Variants in DAB1 observed in about 807,000 individuals in gnomAD.
The protein encoded by DAB1 is disabled homolog 1.
Under a neutral mutation model 64.6 loss-of-function variants are expected in DAB1, and 15 were observed. The observed-to-expected ratio is 0.23, with a 90% CI of 0.16 to 0.36. The LOEUF (loss-of-function observed/expected upper bound fraction) is 0.36. Ranked by LOEUF, DAB1 falls within the 10% of genes least tolerant of loss-of-function variation. DAB1 has a pLI of 1.00. For missense variants in DAB1, 596 were observed against 706.7 expected (o/e 0.84, Z 1.78); for synonymous variants, 235 against 251.9 (o/e 0.93, Z 0.64).
In DAB1 at chr1:57,589,332, T is replaced by C. The variant is rs1195937020; in HGVS notation, n.625+60260A>G. ...ATTTAATTTAAACCAAATGAAAACA[T>C]AAGTAATAACCTGGAGAAAATATCA... On this transcript the variant is annotated intron_variant and non_coding_transcript_variant, in intron 7 of 20. Coordinates refer to the DAB1 transcript ENST00000485760. Among the ~76,000 whole-genome samples, 5 of 152,178 alleles carry C rather than the reference T, an allele frequency of 3.3e-5. No homozygotes were observed. In the East Asian group the frequency reaches 5.8e-4, roughly 18 times the overall value.
chr1:57,306,246 C>T lies in DAB1; in HGVS notation c.-136-15080G>A, dbSNP rs182831029. On this transcript the variant is annotated intron_variant, in intron 1 of 14. Transcript: ENST00000371236. ...ATCACACTGTTTCCATAAAACCATA[C>T]TGCCTTCATAAATTGTCACTCCTTA... Among the ~76,000 whole-genome samples, 27 of 152,246 alleles carry T rather than the reference C, an allele frequency of 1.8e-4. No homozygotes were observed. The East Asian group carries it at 2.5e-3, about 14-fold the overall frequency.
At chr1:58,502,048 C>T (rs1040652885) in intron 3 of DAB1, among the ~76,000 whole-genome samples, 1 of 152,016 alleles carries the variant, frequency 6.6e-6, no homozygotes, top group African/African-American at 2.4e-5. Flanking sequence ...TGGCATATAA[C>T]AGATGACTGA....
intron 6 of DAB1, among the ~76,000 whole-genome samples, chr1:57,817,543 T>C (rs1328279356): frequency 6.6e-6 from 1 of 152,166 alleles, no homozygotes; most frequent in Non-Finnish European, 1.5e-5. Context: ...GCTGCCAACG[T>C]TGAACGAGCA....
chr1:57,657,312 C>A (rs1473752913), intron 6 of DAB1, among the ~76,000 whole-genome samples: 1 of 152,214 alleles, frequency 6.6e-6, no homozygotes, highest in Non-Finnish European at 1.5e-5. Context: ...CCAGCATGTA[C>A]ACAAATTATA....
chr1:58,246,471 A>T (rs1660534560), intron 4 of DAB1, among the ~76,000 whole-genome samples: 1 of 152,254 alleles, frequency 6.6e-6, no homozygotes, highest in Non-Finnish European at 1.5e-5. Context: ...TCTACAGGAC[A>T]AATGAATAGA....
chr1:57,387,061 T>A (rs1174301872), intron 1 of DAB1: 1 of 152,148 alleles, frequency 6.6e-6, no homozygotes, highest in Non-Finnish European at 1.5e-5. Context: ...CTCTACTTTC[T>A]CCACTTTGAG....
chr1:57,360,544 C>G (rs1679468122), intron 1 of DAB1, among the ~76,000 whole-genome samples: 1 of 152,100 alleles, frequency 6.6e-6, no homozygotes, highest in Admixed American at 6.6e-5. Context: ...ATGTGCTTTT[C>G]TTCCTGCCTT....
chr1:57,160,187 C>T (rs1263246581), intron 2 of DAB1, among the ~76,000 whole-genome samples: 2 of 152,130 alleles, frequency 1.3e-5, no homozygotes, highest in Non-Finnish European at 2.9e-5. Flanking sequence ...AAGTATTACA[C>T]TAGGTATATA....
At chr1:57,326,096 T>G (rs1676130550) in intron 1 of DAB1, among the ~76,000 whole-genome samples, 1 of 152,244 alleles carries the variant, frequency 6.6e-6, no homozygotes, top group African/African-American at 2.4e-5. Context: ...GGGTACTCCC[T>G]GCCCTCAAGG....
intron 5 of DAB1, among the ~76,000 whole-genome samples, chr1:57,897,243 G>A (rs1644404972): frequency 6.6e-6 from 1 of 152,136 alleles, no homozygotes; most frequent in African/African-American, 2.4e-5. Context: ...AATTATAAAT[G>A]TATTCTCCTT....
intron 2 of DAB1, among the ~76,000 whole-genome samples, chr1:57,146,415 A>T (rs1419327402): frequency 2.0e-5 from 3 of 152,154 alleles, no homozygotes; most frequent in Non-Finnish European, 4.4e-5. Context: ...ATCTCCTATA[A>T]TATCCTTAAC....
At chr1:57,119,081 C>T (rs1656405701) in intron 4 of DAB1, among the ~76,000 whole-genome samples, 1 of 152,200 alleles carries the variant, frequency 6.6e-6, no homozygotes, top group South Asian at 2.1e-4. Context: ...GGCTGAAAGA[C>T]TGCCGGTGGA....
chr1:57,696,088 T>C (rs72912422), intron 6 of DAB1, among the ~76,000 whole-genome samples: 30,623 of 152,092 alleles, frequency 0.2, 3,443 homozygotes, highest in South Asian at 0.31. Context: ...TTCCTCCTCT[T>C]CCTCCTTCTT....
Position 58,251,514 on chromosome 1 carries a change from A to G in DAB1, n.309+91838T>C, listed in dbSNP as rs149501618. On this transcript the variant is annotated intron_variant and non_coding_transcript_variant, in intron 4 of 20. Transcript: ENST00000485760. Reference sequence around the variant, plus strand: ...GAGGCCTCCAAGCACATGACCACTAATCTGAGATCTGTATGATAAGGAACC... The same window carrying G: ...GAGGCCTCCAAGCACATGACCACTAGTCTGAGATCTGTATGATAAGGAACC... 3.1e-4 allele frequency among the ~76,000 whole-genome samples: 47 copies of G among 152,328 alleles called. No individual in the cohort carries two copies. In the East Asian group the frequency reaches 8.7e-3, roughly 28 times the overall value.
intron 9 of DAB1, among the ~76,000 whole-genome samples, chr1:57,029,721 G>T (rs1424188461): frequency 1.3e-5 from 2 of 152,188 alleles, no homozygotes; most frequent in Admixed American, 6.5e-5. Context: ...TGCTCTGCTG[G>T]ATTTCAGACT....
intron 5 of DAB1, among the ~76,000 whole-genome samples, chr1:57,925,857 T>A (rs1405293353): frequency 6.6e-6 from 1 of 152,144 alleles, no homozygotes; most frequent in Non-Finnish European, 1.5e-5. Flanking sequence ...TTAAAACATA[T>A]AAACGCTCAC....
chr1:57,655,580 C>T (rs1024080620), intron 6 of DAB1, among the ~76,000 whole-genome samples: 6 of 152,212 alleles, frequency 3.9e-5, no homozygotes, highest in Non-Finnish European at 8.8e-5. Context: ...CATTCCTACC[C>T]TTACGGAACT....
chr1:57,859,379 A>G (rs1038028636), intron 1 of DAB1, among the ~76,000 whole-genome samples: 7 of 152,134 alleles, frequency 4.6e-5, no homozygotes, highest in African/African-American at 1.7e-4. Context: ...TTTTAAATAT[A>G]TATCTTATAT....
downstream of DAB1, among the ~76,000 whole-genome samples, chr1:57,821,648 A>C (rs1652126595): frequency 6.6e-6 from 1 of 152,236 alleles, no homozygotes; most frequent in Non-Finnish European, 1.5e-5. Flanking sequence ...TATTTGAGGA[A>C]GCCTTTCCTC....
Sources: gnomAD v4.1 joint callset for allele counts (sites outside exome capture counted in the v4.1 genomes callset) on GRCh38, gnomAD v4.1.1 for gene constraint, MANE v1.5 for transcripts, NCBI Gene and HGNC (gene_info 2026-07-23, HGNC 2026-07-21) for gene names.